Variants in CDK17 observed in about 807,000 individuals in gnomAD.
CDK17 encodes cyclin dependent kinase 17.
CDK17 carries 24 observed loss-of-function variants against 77.6 expected under a neutral mutation model. The observed-to-expected ratio is 0.31, with a 90% CI of 0.22 to 0.44. The LOEUF is 0.44. Ranked by LOEUF, CDK17 falls within the 20% of genes least tolerant of loss-of-function variation. The pLI, the probability that CDK17 is intolerant of heterozygous loss-of-function variation, is 1.00. For missense variants in CDK17, 429 were observed against 622.5 expected (o/e 0.69, Z 3.31); for synonymous variants, 203 against 210.4 (o/e 0.96, Z 0.30).
At chr12:96,334,338 G>T (rs1953011799) in intron 2 of CDK17, among the ~76,000 whole-genome samples, 1 of 152,144 alleles carries the variant, frequency 6.6e-6, no homozygotes, top group Non-Finnish European at 1.5e-5. Flanking sequence ...GCCACAAACA[G>T]AAATTTCACA....
At chr12:96,393,640 G>A (rs1193769631) in intron 1 of CDK17, among the ~76,000 whole-genome samples, 2 of 151,876 alleles carry the variant, frequency 1.3e-5, no homozygotes, top group African/African-American at 4.8e-5. Context: ...AGGCTGAGGT[G>A]GGAGGATCAC....
intron 2 of CDK17, among the ~76,000 whole-genome samples, chr12:96,334,135 G>A (rs1438099130): frequency 6.6e-6 from 1 of 152,182 alleles, no homozygotes; most frequent in Non-Finnish European, 1.5e-5. Flanking sequence ...AGTCACGTAA[G>A]TTCCTTCCCA....
chr12:96,370,260 C>T (rs17025377), intron 1 of CDK17, among the ~76,000 whole-genome samples: 6 of 152,034 alleles, frequency 3.9e-5, no homozygotes, highest in Admixed American at 2.0e-4. Context: ...TGGTTCACAC[C>T]GAAGTCTTAT....
chr12:96,326,908 T>C (rs1422589585), intron 2 of CDK17, among the ~76,000 whole-genome samples: 2 of 152,204 alleles, frequency 1.3e-5, no homozygotes, highest in Non-Finnish European at 2.9e-5. Flanking sequence ...TATTCTCAGA[T>C]TGGAAGCAGT....
chr12:96,305,020 A>T (rs966622987), intron 5 of CDK17, among the ~76,000 whole-genome samples: 2 of 152,138 alleles, frequency 1.3e-5, no homozygotes, highest in African/African-American at 2.4e-5. Flanking sequence ...TATATGGATG[A>T]CCTCCATTAT....
intron 3 of CDK17, among the ~76,000 whole-genome samples, chr12:96,321,833 T>G (rs1188824245): frequency 1.7e-5 from 2 of 116,182 alleles, no homozygotes; most frequent in African/African-American, 6.7e-5. Flanking sequence ...GGGGGAGGGA[T>G]AGCATTGGGA....
intron 9 of CDK17, among the ~76,000 whole-genome samples, chr12:96,295,814 T>A (rs1163935423): frequency 6.6e-6 from 1 of 152,204 alleles, no homozygotes; most frequent in African/African-American, 2.4e-5. Context: ...GTAATTCCTA[T>A]AAGGCTAATG....
At chr12:96,326,723 C>T (rs1952895767) in intron 2 of CDK17, among the ~76,000 whole-genome samples, 1 of 152,184 alleles carries the variant, frequency 6.6e-6, no homozygotes. Flanking sequence ...GTCCTGCTGA[C>T]ATTGCTGGTC....
chr12:96,324,367 A>AACTACT (rs1952865037), intron 2 of CDK17, among the ~76,000 whole-genome samples: 1 of 152,232 alleles, frequency 6.6e-6, no homozygotes, highest in Admixed American at 6.5e-5. Flanking sequence ...AGAACCACAA[A>AACTACT]ACTACTAATA....
chr12:96,367,318 C>T (rs1323084881), intron 1 of CDK17, among the ~76,000 whole-genome samples: 6 of 119,476 alleles, frequency 5.0e-5, no homozygotes, highest in Non-Finnish European at 9.5e-5. Context: ...GCACTTCAGC[C>T]TGGGTGACAG....
intron 10 of CDK17, among the ~76,000 whole-genome samples, chr12:96,293,088 C>CT (rs1173086006): frequency 9.9e-5 from 15 of 152,184 alleles, no homozygotes; most frequent in Admixed American, 9.8e-4. Context: ...ATTATTTTCT[C>CT]TTTAAAAACA....
At chr12:96,340,036 C>G (rs1021790460) in intron 1 of CDK17, among the ~76,000 whole-genome samples, 1 of 151,664 alleles carries the variant, frequency 6.6e-6, no homozygotes, top group African/African-American at 2.4e-5. Flanking sequence ...AAAAATATGC[C>G]TACAAAAATC....
intron 10 of CDK17, among the ~76,000 whole-genome samples, chr12:96,294,439 C>T (rs1952371457): frequency 6.6e-6 from 1 of 151,516 alleles, no homozygotes. Flanking sequence ...CAAAATTAGC[C>T]AGGCATGGTG....
intron 1 of CDK17, among the ~76,000 whole-genome samples, chr12:96,390,379 C>T (rs1179483735): frequency 1.3e-5 from 2 of 150,058 alleles, no homozygotes; most frequent in Non-Finnish European, 1.5e-5. Flanking sequence ...GATCCACCCA[C>T]CTAGGCCTCC....
intron 1 of CDK17, among the ~76,000 whole-genome samples, chr12:96,376,252 T>C (rs1462793833): frequency 6.6e-6 from 1 of 152,230 alleles, no homozygotes; most frequent in African/African-American, 2.4e-5. Context: ...AGCAAATGAT[T>C]GTTCACTTTC....
chr12:96,362,885 T>C (rs1367008944), intron 1 of CDK17, among the ~76,000 whole-genome samples: 1 of 152,128 alleles, frequency 6.6e-6, no homozygotes, highest in Non-Finnish European at 1.5e-5. Context: ...GTTAGGGGGA[T>C]GGAGGGTTCA....
chr12:96,287,724 C>T (rs905507058), intron 11 of CDK17, among the ~76,000 whole-genome samples: 5 of 152,038 alleles, frequency 3.3e-5, no homozygotes, highest in African/African-American at 1.2e-4. Flanking sequence ...TACCCATGTG[C>T]ACAACAGCAT....
intron 10 of CDK17, among the ~76,000 whole-genome samples, chr12:96,294,298 A>C (rs1565806566): frequency 6.6e-6 from 1 of 152,200 alleles, no homozygotes; most frequent in Non-Finnish European, 1.5e-5. Flanking sequence ...AGTGGTAAAG[A>C]ATACAATGAC....
intron 1 of CDK17, among the ~76,000 whole-genome samples, chr12:96,349,424 G>C (rs1020378229): frequency 6.6e-6 from 1 of 151,450 alleles, no homozygotes; most frequent in African/African-American, 2.4e-5. Context: ...TTGCACTCCA[G>C]TCTGGGCAAC....
Sources: allele counts gnomAD v4.1 joint callset (sites outside exome capture counted in the v4.1 genomes callset), GRCh38; gene constraint gnomAD v4.1.1; transcripts MANE v1.5; gene names NCBI Gene and HGNC (gene_info 2026-07-23, HGNC 2026-07-21).